LAMA2: variants seen among roughly 807,000 people sequenced by gnomAD.
The protein encoded by LAMA2 is laminin subunit alpha 2.
Under a neutral mutation model 364.8 loss-of-function variants are expected in LAMA2, and 269 were observed. That is an observed-to-expected ratio of 0.74 (90% CI 0.67 to 0.82). The LOEUF (loss-of-function observed/expected upper bound fraction) is 0.82, where lower values mean the gene tolerates loss of function less well. Among genes scored for constraint, LAMA2 ranks in the 40% least tolerant of loss-of-function variants. LAMA2 has a pLI of 0.00. For missense variants in LAMA2, 3,807 were observed against 3,873.2 expected (o/e 0.98, Z 0.45); for synonymous variants, 1,379 against 1,370.6 (o/e 1.01, Z -0.14).
At chr6:129,297,947 G>A in intron 21 of LAMA2, 82 bp downstream of exon 21, 1 of 1,172,292 alleles carries the variant, frequency 8.5e-7, no homozygotes, top group African/African-American at 1.5e-5. Flanking sequence ...TTCTTTTAAA[G>A]GAAGCACAGA....
intron 1 of LAMA2, among the ~76,000 whole-genome samples, chr6:129,022,270 C>T (rs1053052373): frequency 5.3e-5 from 8 of 152,216 alleles, no homozygotes; most frequent in African/African-American, 1.7e-4. Context: ...CATACATTTT[C>T]GAGGTTTTTA....
intron 49 of LAMA2, among the ~76,000 whole-genome samples, chr6:129,460,693 T>C (rs1057290465): frequency 6.6e-6 from 1 of 152,002 alleles, no homozygotes; most frequent in Non-Finnish European, 1.5e-5. Context: ...TAAAGAGAGC[T>C]TTCCCCAAAC....
At chr6:129,106,411 G>A (rs1199022637) in intron 4 of LAMA2, among the ~76,000 whole-genome samples, 1 of 152,150 alleles carries the variant, frequency 6.6e-6, no homozygotes, top group Non-Finnish European at 1.5e-5. Context: ...GTATGGAAAT[G>A]AGGGAATGGA....
At position 129,228,723 on chromosome 6, in the gene LAMA2, C is replaced by A. The variant is rs552760422; in HGVS notation, c.1783-21389C>A. Reference sequence around the variant, plus strand: ...CTCCTGTTCTAGGTAATTGATTAGTCCAGTAAATGTAGGCATAAGAAAAAT... The same window carrying A: ...CTCCTGTTCTAGGTAATTGATTAGTACAGTAAATGTAGGCATAAGAAAAAT... On this transcript the variant is annotated intron_variant, in intron 12 of 64. Coordinates refer to ENST00000421865, the MANE Select transcript of LAMA2 (RefSeq NM_000426.4). Among the ~76,000 whole-genome samples, 5 of 152,116 alleles carry A rather than the reference C, an allele frequency of 3.3e-5. No homozygotes were observed. The Middle Eastern group carries it at 0.014, about 414-fold the overall frequency.
intron 2 of LAMA2, among the ~76,000 whole-genome samples, chr6:129,057,496 A>C (rs1279399635): frequency 6.6e-6 from 1 of 152,196 alleles, no homozygotes; most frequent in Non-Finnish European, 1.5e-5. Flanking sequence ...ATTGGAGGTT[A>C]TTATTACTTG....
intron 18 of LAMA2, 102 bp downstream of exon 18, chr6:129,280,249 C>G (rs1358129538): frequency 1.3e-6 from 1 of 773,822 alleles, no homozygotes; most frequent in Non-Finnish European, 2.3e-6. Context: ...GAAAAAAGGC[C>G]ACACTCAATG....
At chr6:129,480,968 CA>C (rs34334168) in intron 54 of LAMA2, among the ~76,000 whole-genome samples, 1 of 67,288 alleles carries the variant, frequency 1.5e-5, no homozygotes, top group Admixed American at 1.3e-4. Flanking sequence ...ACAACAACAA[CA>C]AAAAAAGGTA....
intron 51 of LAMA2, among the ~76,000 whole-genome samples, chr6:129,469,953 A>C (rs1400316584): frequency 6.6e-6 from 1 of 151,842 alleles, no homozygotes; most frequent in Non-Finnish European, 1.5e-5. Context: ...TATGTACGAA[A>C]AGGCAAAAAG....
At chr6:129,399,538 C>G (rs1339663581) in intron 37 of LAMA2, among the ~76,000 whole-genome samples, 1 of 152,184 alleles carries the variant, frequency 6.6e-6, no homozygotes, top group East Asian at 1.9e-4. Flanking sequence ...GTGAGCAGAG[C>G]TGTGATCCCA....
chr6:128,889,056 T>G (rs1433319975), intron 1 of LAMA2, among the ~76,000 whole-genome samples: 1 of 152,220 alleles, frequency 6.6e-6, no homozygotes, highest in Non-Finnish European at 1.5e-5. Context: ...CTCAGTGCTA[T>G]TCCATTATTC....
intron 45 of LAMA2, among the ~76,000 whole-genome samples, chr6:129,451,679 A>G (rs1782682811): frequency 6.6e-6 from 1 of 152,186 alleles, no homozygotes; most frequent in Non-Finnish European, 1.5e-5. Flanking sequence ...TCTCAAATCT[A>G]TATGAATTTA....
chr6:129,388,270 A>G (rs1779133814), intron 35 of LAMA2, among the ~76,000 whole-genome samples: 1 of 148,208 alleles, frequency 6.7e-6, no homozygotes, highest in Non-Finnish European at 1.5e-5. Context: ...AAAAAAAAAC[A>G]AAAACAAACA....
At chr6:129,211,705 A>G (rs1417495568) in intron 12 of LAMA2, among the ~76,000 whole-genome samples, 1 of 152,178 alleles carries the variant, frequency 6.6e-6, no homozygotes, top group Non-Finnish European at 1.5e-5. Context: ...TTAAGCATTG[A>G]ATTCTATAGG....
At chr6:129,332,795 T>G (rs1477605068) in intron 29 of LAMA2, among the ~76,000 whole-genome samples, 1 of 152,060 alleles carries the variant, frequency 6.6e-6, no homozygotes, top group Non-Finnish European at 1.5e-5. Flanking sequence ...ACTATTAGAA[T>G]AGGTGTTTTT....
At chr6:129,497,248 A>ATTCT (rs1008087721) in intron 58 of LAMA2, among the ~76,000 whole-genome samples, 3 of 151,776 alleles carry the variant, frequency 2.0e-5, no homozygotes, top group Non-Finnish European at 2.9e-5. Context: ...CAGAATTTAG[A>ATTCT]TTCTTTATTT....
rs533015861 is a variant in LAMA2 at position 129,028,067 on chromosome 6, G to A, written c.113-21851G>A. On this transcript the variant is annotated intron_variant, in intron 1 of 64. Transcript: ENST00000421865. ...TGCTTTTAGTAGAAATGGGGATTTA[G>A]AGTACATCAGTACAGGTGGCGAAAA... is the stretch of plus-strand genomic sequence containing the variant. Among the ~76,000 whole-genome samples the A allele has an allele frequency of 8.8e-4, 134 of 151,894 alleles. 3 individuals are homozygous for A. Among genetic ancestry groups the A allele is most frequent in the Middle Eastern group, 6.8e-3 (2 of 294 alleles).
intron 1 of LAMA2, among the ~76,000 whole-genome samples, chr6:128,989,146 T>A (rs910592492): frequency 1.2e-4 from 19 of 152,296 alleles, no homozygotes; most frequent in African/African-American, 4.3e-4. Context: ...AAAATATTTT[T>A]AAAAGTAGCT....
Position 129,486,461 on chromosome 6 carries a change from CT to C in LAMA2, c.7750-11del. The C allele has an allele frequency of 1.9e-6, 3 of 1,612,844 alleles. No individual in the cohort carries two copies. The highest frequency in any genetic ancestry group is 1.1e-5 in the South Asian group (1 of 91,060). ...ACTTCTGTTTAATCTTCAATAACCACTTGCTGTTGCAGGCCTATTATGCAAT... is the reference window on the plus strand; with the variant it reads ...ACTTCTGTTTAATCTTCAATAACCACTGCTGTTGCAGGCCTATTATGCAAT... On this transcript the variant is annotated splice_polypyrimidine_tract_variant and intron_variant, in intron 55 of 64. Transcript: ENST00000421865.
rs575677419 is a variant in LAMA2, at chr6:129,130,226, G to T, written c.640-13675G>T. 2.6e-5 allele frequency among the ~76,000 whole-genome samples: 4 copies of T among 152,346 alleles called. No homozygotes were observed. In the South Asian group the frequency reaches 8.3e-4, roughly 32 times the overall value. ...ACATACTAGCACTAGTCATAGGACTGAGATTTGTCAAAGCTAGCTCTCTTC... is the reference window on the plus strand; with the variant it reads ...ACATACTAGCACTAGTCATAGGACTTAGATTTGTCAAAGCTAGCTCTCTTC... On this transcript the variant is annotated intron_variant, in intron 4 of 64. Coordinates refer to ENST00000421865, the MANE Select transcript of LAMA2 (RefSeq NM_000426.4).
Sources: gnomAD v4.1 joint callset for allele counts (sites outside exome capture counted in the v4.1 genomes callset) on GRCh38, gnomAD v4.1.1 for gene constraint, MANE v1.5 for transcripts, NCBI Gene and HGNC (gene_info 2026-07-23, HGNC 2026-07-21) for gene names.